The following SAMD3 variants were observed in gnomAD, a reference collection of about 807,000 sequenced individuals.
SAMD3 encodes the protein sterile alpha motif domain containing 3, also known as sterile alpha motif domain-containing protein 3.
In SAMD3, 63 loss-of-function variants were observed where a neutral mutation model predicts 58.5. That is an observed-to-expected ratio of 1.08 (90% CI 0.88 to 1.33). The LOEUF is 1.33. Among genes scored for constraint, SAMD3 ranks in the 40% most tolerant of loss-of-function variants. SAMD3 has a pLI of 0.00. For synonymous variants in SAMD3, 220 were observed against 210.3 expected (o/e 1.05, Z -0.40); for missense variants, 604 against 608.4 (o/e 0.99, Z 0.08).
chr6:130,183,637 C>T lies in SAMD3; in HGVS notation c.654+466G>A, dbSNP rs573341187. Among the ~76,000 whole-genome samples, 9 of 152,324 alleles carry T rather than the reference C, an allele frequency of 5.9e-5. No individual in the cohort carries two copies. The East Asian group carries it at 1.7e-3, about 29-fold the overall frequency. On this transcript the variant is annotated intron_variant, in intron 7 of 11. Transcript: ENST00000439090. ...AGCTCAATTTTAGCAACTTTATATGCTTGTGCAACCATAATCACTATCCAT... is the reference window on the plus strand; with the variant it reads ...AGCTCAATTTTAGCAACTTTATATGTTTGTGCAACCATAATCACTATCCAT...
chr6:130,346,034 C>T (rs1267676438), intron 1 of SAMD3, among the ~76,000 whole-genome samples: 3 of 152,216 alleles, frequency 2.0e-5, no homozygotes, highest in Non-Finnish European at 4.4e-5. Flanking sequence ...TTGCAATATG[C>T]AGCCATGGAA....
intron 4 of SAMD3, among the ~76,000 whole-genome samples, chr6:130,209,906 C>T (rs893780962): frequency 2.0e-5 from 3 of 152,140 alleles, no homozygotes; most frequent in African/African-American, 4.8e-5. Flanking sequence ...TGATGGTGAT[C>T]GTAGAATGTA....
chr6:130,156,228 C>G (rs565493008), intron 8 of SAMD3, among the ~76,000 whole-genome samples: 2 of 151,964 alleles, frequency 1.3e-5, no homozygotes, highest in South Asian at 4.2e-4. Flanking sequence ...ATCCCAGCTA[C>G]TTGGGAGGCT....
intron 1 of SAMD3, among the ~76,000 whole-genome samples, chr6:130,360,385 A>G (rs1777949785): frequency 6.6e-6 from 1 of 152,212 alleles, no homozygotes; most frequent in South Asian, 2.1e-4. Flanking sequence ...AGAGCACAAA[A>G]GAGAGAAATT....
chr6:130,144,680 G>T lies in SAMD3; in HGVS notation c.1403C>A (p.Ala468Glu), dbSNP rs140029919. 96 of 1,614,092 alleles carry T rather than the reference G, an allele frequency of 5.9e-5. 3 individuals are homozygous for T. The highest frequency in any genetic ancestry group is 4.2e-4 in the East Asian group (19 of 44,858). Residue 468 changes from alanine (A) to glutamate (E), a missense_variant, in exon 12 of 12, where the codon GCG (alanine) becomes GAG (glutamate). Ala to Glu is a moderately radical substitution (Grantham distance 107). Coordinates refer to ENST00000439090, the MANE Select transcript of SAMD3 (RefSeq NM_001017373.4). ...KVDDCVTALA[A>E]LVAAFHVFRI... ...AAATACATGAAAGGCAGCTACTAGC[G>T]CAGCCAAGGCTGTAACACAGTCGTC...
chr6:130,252,725 G>A (rs1185475374), intron 2 of SAMD3, among the ~76,000 whole-genome samples: 3 of 152,106 alleles, frequency 2.0e-5, no homozygotes, highest in Non-Finnish European at 2.9e-5. Context: ...TTCCTTTGTG[G>A]CAACCAAAAC....
intron 2 of SAMD3, among the ~76,000 whole-genome samples, chr6:130,244,661 A>G (rs576800498): frequency 3.9e-5 from 6 of 151,948 alleles, no homozygotes; most frequent in Non-Finnish European, 7.4e-5. Flanking sequence ...AATCGCCTGA[A>G]CCCAGGAGGT....
chr6:130,211,202 C>CT (rs2114831926), intron 4 of SAMD3, among the ~76,000 whole-genome samples: 1 of 152,122 alleles, frequency 6.6e-6, no homozygotes. Context: ...AAACCTTAGT[C>CT]GCCACAACCC....
At chr6:130,283,619 A>G (rs1328702544) in intron 2 of SAMD3, among the ~76,000 whole-genome samples, 2 of 152,248 alleles carry the variant, frequency 1.3e-5, no homozygotes, top group Non-Finnish European at 1.5e-5. Flanking sequence ...AATTACTAAG[A>G]GAAAATAATT....
chr6:130,172,803 C>T (rs545562087), intron 8 of SAMD3, among the ~76,000 whole-genome samples: 30 of 152,172 alleles, frequency 2.0e-4, no homozygotes, highest in Non-Finnish European at 3.7e-4. Flanking sequence ...AGTGTGTTTT[C>T]CAACTTGGTT....
upstream of SAMD3, among the ~76,000 whole-genome samples, chr6:130,225,075 T>C (rs1029628249): frequency 5.0e-4 from 76 of 152,244 alleles, no homozygotes; most frequent in African/African-American, 1.8e-3. Context: ...AGAGCAGTAC[T>C]GAGCAAGAGA....
At position 130,282,296 on chromosome 6, in the gene SAMD3, TA is replaced by T. The variant is rs952667674; in HGVS notation, c.-188+30681del. Among the ~76,000 whole-genome samples the T allele has an allele frequency of 1.4e-4, 21 of 152,118 alleles. 1 individual carries two copies. Among genetic ancestry groups the T allele is most frequent in the Admixed American group, 6.6e-5 (1 of 15,254 alleles). ...TAAAGAGATGGTAGTCTTAAGGAGA[TA>T]ACAAACAGAGGAAAACAAGAAGCAG... On this transcript the variant is annotated intron_variant, in intron 2 of 13. Coordinates refer to the SAMD3 transcript ENST00000368134.
rs981401576 is a variant in SAMD3, at chr6:130,214,373, T to A, written c.233A>T (p.Lys78Met). 6.2e-7 allele frequency: 1 copy of A among 1,608,724 alleles called. No individual in the cohort carries two copies. The highest frequency in any genetic ancestry group is 8.5e-7 in the Non-Finnish European group (1 of 1,177,594). Residue 78 changes from lysine to methionine, a missense_variant, in exon 4 of 12, where the codon AAG becomes ATG. Lys to Met is a moderately conservative substitution (Grantham distance 95, BLOSUM62 -1). Coordinates refer to ENST00000439090, the MANE Select transcript of SAMD3 (RefSeq NM_001017373.4). ...TTCTGTTTGCATGACCAGGGCTGCCTTTTTGGGGTTTTCTGGGGACTTCAG... is the reference window on the plus strand; with the variant it reads ...TTCTGTTTGCATGACCAGGGCTGCCATTTTGGGGTTTTCTGGGGACTTCAG... Reference protein sequence around the residue: ...QGLKSPENPKKAALVMQTEAA... With the variant: ...QGLKSPENPKMAALVMQTEAA...
intron 1 of SAMD3, among the ~76,000 whole-genome samples, chr6:130,361,859 AC>A (rs1406486569): frequency 6.6e-6 from 1 of 152,210 alleles, no homozygotes; most frequent in Non-Finnish European, 1.5e-5. Flanking sequence ...GATTTGTTGA[AC>A]ATCTGCTACA....
chr6:130,164,246 A>G (rs1790525945), intron 8 of SAMD3, among the ~76,000 whole-genome samples: 1 of 152,232 alleles, frequency 6.6e-6, no homozygotes, highest in Non-Finnish European at 1.5e-5. Flanking sequence ...CATTAAGGTC[A>G]CAAAGGAGAC....
intron 11 of SAMD3, 135 bp downstream of exon 11, chr6:130,145,205 C>T (rs780616852): frequency 2.2e-6 from 1 of 464,656 alleles, no homozygotes; most frequent in Admixed American, 3.9e-5. Flanking sequence ...CTGCAGTGAG[C>T]CAAGATCACG....
chr6:130,176,557 T>C (rs1268263309), intron 7 of SAMD3, among the ~76,000 whole-genome samples: 1 of 152,236 alleles, frequency 6.6e-6, no homozygotes, highest in Non-Finnish European at 1.5e-5. Flanking sequence ...AGGGTGTAGG[T>C]GGACCTCACT....
intron 2 of SAMD3, among the ~76,000 whole-genome samples, chr6:130,264,739 A>G (rs1484466118): frequency 6.6e-6 from 1 of 152,174 alleles, no homozygotes; most frequent in Non-Finnish European, 1.5e-5. Context: ...GATTAGATAA[A>G]CTACATCTAT....
At chr6:130,348,275 A>G (rs988844652) in intron 1 of SAMD3, among the ~76,000 whole-genome samples, 1 of 152,242 alleles carries the variant, frequency 6.6e-6, no homozygotes, top group African/African-American at 2.4e-5. Context: ...TAAAAGAGAC[A>G]GACTGGCAAA....
Sources: gnomAD v4.1 joint callset for allele counts (sites outside exome capture counted in the v4.1 genomes callset) on GRCh38, gnomAD v4.1.1 for gene constraint, MANE v1.5 for transcripts, NCBI Gene and HGNC (gene_info 2026-07-23, HGNC 2026-07-21) for gene names.